MAP3K20: variants seen among roughly 807,000 people sequenced by gnomAD.
MAP3K20 encodes HCCS-4.
Under a neutral mutation model 85.7 loss-of-function variants are expected in MAP3K20, and 40 were observed. That is an observed-to-expected ratio of 0.47 (90% CI 0.36 to 0.61). The LOEUF (loss-of-function observed/expected upper bound fraction) is 0.61. MAP3K20 is among the 20% of genes least tolerant of loss of function. The pLI is 0.00. For missense variants in MAP3K20, 817 were observed against 961.7 expected (o/e 0.85, Z 1.99); for synonymous variants, 325 against 327.7 (o/e 0.99, Z 0.09).
chr2:173,266,727 C>T lies in MAP3K20; in HGVS notation c.2380C>T (p.His794Tyr). The T allele has an allele frequency of 6.6e-7, 1 of 1,524,872 alleles. No individual in the cohort carries two copies. Among genetic ancestry groups the T allele is most frequent in the Non-Finnish European group, 8.8e-7 (1 of 1,137,680 alleles). The allele number at this position is 1,524,872 out of a possible 1,614,324, so 94.5% of individuals were successfully genotyped here. ...CAATAAAGAGAGAGCCAGAGGGGAC[C>T]ACCGTGGATGGAGAAACTTTTGATG... ...KTNKERARGD[H>Y]RGWRNF Residue 794 changes from histidine (H) to tyrosine (Y), a missense_variant, in exon 20 of 20, where the codon CAC (histidine) becomes TAC (tyrosine). Physicochemically the swap from His to Tyr is moderately conservative, Grantham distance 83. Around this residue, in one of 4 missense-constraint regions of MAP3K20, gnomAD observed 454 missense variants for 476.9 expected, o/e 0.95. Transcript: ENST00000375213.
chr2:173,093,993 G>A (rs1213056304), intron 2 of MAP3K20, among the ~76,000 whole-genome samples: 1 of 116,834 alleles, frequency 8.6e-6, no homozygotes, highest in Admixed American at 1.1e-4. Flanking sequence ...CTGTTGTGGG[G>A]TGGGGGGAGG....
chr2:173,208,559 A>G (rs7575319), intron 9 of MAP3K20, among the ~76,000 whole-genome samples: 25,867 of 152,188 alleles, frequency 0.17, 2,476 homozygotes, highest in South Asian at 0.33. Flanking sequence ...ACATTTATCT[A>G]TGTGTGCCCT....
intron 2 of MAP3K20, among the ~76,000 whole-genome samples, chr2:173,144,017 T>C (rs1171043812): frequency 2.6e-5 from 4 of 152,016 alleles, no homozygotes; most frequent in African/African-American, 9.7e-5. Context: ...ACCTAAATTA[T>C]AGGCATGTAT....
At chr2:173,096,341 T>C (rs1687459348) in intron 2 of MAP3K20, among the ~76,000 whole-genome samples, 1 of 88,912 alleles carries the variant, frequency 1.1e-5, no homozygotes, top group Non-Finnish European at 2.2e-5. Flanking sequence ...TTTTTCTTTT[T>C]TCCTTTTTTT....
chr2:173,237,695 C>CA (rs1450806340), intron 14 of MAP3K20, among the ~76,000 whole-genome samples: 3 of 152,164 alleles, frequency 2.0e-5, no homozygotes, highest in Non-Finnish European at 2.9e-5. Flanking sequence ...ATAATGCAAT[C>CA]AACCTTTTAG....
intron 3 of MAP3K20, among the ~76,000 whole-genome samples, chr2:173,178,860 A>G (rs1482884808): frequency 1.3e-5 from 2 of 152,188 alleles, no homozygotes; most frequent in Non-Finnish European, 2.9e-5. Context: ...CGACAGACCA[A>G]TATTCTTCAT....
At chr2:173,181,016 C>G (rs1404778442) in intron 3 of MAP3K20, among the ~76,000 whole-genome samples, 2 of 151,710 alleles carry the variant, frequency 1.3e-5, no homozygotes, top group African/African-American at 2.4e-5. Context: ...GTATCTAGAA[C>G]TAAAAAAAAT....
intron 19 of MAP3K20, among the ~76,000 whole-genome samples, chr2:173,265,219 T>A (rs916212409): frequency 6.6e-6 from 1 of 151,938 alleles, no homozygotes; most frequent in Non-Finnish European, 1.5e-5. Context: ...GAGCAGGGGG[T>A]GGAGTAGCTG....
At chr2:173,205,953 C>G (rs1289284367) in intron 9 of MAP3K20, among the ~76,000 whole-genome samples, 1 of 152,138 alleles carries the variant, frequency 6.6e-6, no homozygotes, top group Admixed American at 6.5e-5. Flanking sequence ...CACGTATTTT[C>G]AAGCTTGCTT....
chr2:173,243,003 C>G (rs1167094221), intron 16 of MAP3K20, among the ~76,000 whole-genome samples: 1 of 152,130 alleles, frequency 6.6e-6, no homozygotes, highest in Non-Finnish European at 1.5e-5. Flanking sequence ...CCGCGCCCAG[C>G]CCAGAGTAAT....
intron 2 of MAP3K20, among the ~76,000 whole-genome samples, chr2:173,162,404 G>A (rs909629306): frequency 3.3e-5 from 5 of 151,750 alleles, no homozygotes; most frequent in African/African-American, 4.8e-5. Flanking sequence ...GTTGAGGACC[G>A]GCTGGGCATG....
intron 2 of MAP3K20, among the ~76,000 whole-genome samples, chr2:173,134,428 A>ATATATTTTTTTT (rs56330241): frequency 3.2e-4 from 1 of 3,154 alleles, no homozygotes; most frequent in African/African-American, 1.0e-3. Flanking sequence ...ATATATATAT[A>ATATATTTTTTTT]TTTTTTTTTT....
intron 2 of MAP3K20, among the ~76,000 whole-genome samples, chr2:173,169,481 G>A (rs556979490): frequency 6.6e-5 from 10 of 152,160 alleles, no homozygotes; most frequent in African/African-American, 2.4e-4. Flanking sequence ...AGCACTTTCG[G>A]AGGCCAAGGT....
At chr2:173,089,793 G>C (rs571594319) in intron 1 of MAP3K20, among the ~76,000 whole-genome samples, 3 of 152,120 alleles carry the variant, frequency 2.0e-5, no homozygotes, top group Admixed American at 2.0e-4. Flanking sequence ...GGCTGGTCTC[G>C]AACTCCTGAC....
rs887695038 is a variant in MAP3K20, at chr2:173,257,692, G to T, written c.1360-1007G>T. 1.1e-4 allele frequency among the ~76,000 whole-genome samples: 16 copies of T among 152,142 alleles called. No homozygotes were observed. In the East Asian group the frequency reaches 2.9e-3, roughly 28 times the overall value. ...CTAGGAGTAGAATTTCTGGGTCATA[G>T]AATAGGCATATATTTGGTTTTATAA... On this transcript the variant is annotated intron_variant, in intron 16 of 19. Coordinates refer to ENST00000375213, the MANE Select transcript of MAP3K20 (RefSeq NM_016653.3).
chr2:173,198,246 A>C lies in MAP3K20; in HGVS notation c.669+134A>C, dbSNP rs1690916465. 8.4e-6 allele frequency: 6 copies of C among 716,492 alleles called. No individual in the cohort carries two copies. Among genetic ancestry groups the C allele is most frequent in the Non-Finnish European group, 1.4e-5 (6 of 440,342 alleles). The allele number at this position is 716,492 out of a possible 1,614,324, so 44.4% of individuals were successfully genotyped here. On this transcript the variant is annotated intron_variant, in intron 8 of 19. Coordinates refer to ENST00000375213, the MANE Select transcript of MAP3K20 (RefSeq NM_016653.3). The surrounding 1 kb of genome is among the most constrained non-coding windows in gnomAD (Gnocchi z 5.8). Reference sequence around the variant, plus strand: ...AAGATTAGCAGTAGGAGCTAACACAAAGGGTCAAAGTGATGTTATTCCTCA... The same window carrying C: ...AAGATTAGCAGTAGGAGCTAACACACAGGGTCAAAGTGATGTTATTCCTCA...
At chr2:173,121,102 A>G (rs1688274400) in intron 2 of MAP3K20, among the ~76,000 whole-genome samples, 1 of 152,072 alleles carries the variant, frequency 6.6e-6, no homozygotes, top group Non-Finnish European at 1.5e-5. Flanking sequence ...TTCTTACTTC[A>G]TCCTGTAAAT....
intron 18 of MAP3K20, among the ~76,000 whole-genome samples, chr2:173,262,177 C>T (rs982928701): frequency 3.9e-5 from 6 of 152,152 alleles, no homozygotes; most frequent in African/African-American, 1.4e-4. Flanking sequence ...ACACTTTCTG[C>T]GCTTCCCTGG....
At chr2:173,225,608 A>C (rs76450448) in intron 11 of MAP3K20, 360 of 971,800 alleles carry the variant, frequency 3.7e-4, no homozygotes, top group Middle Eastern at 5.3e-4. Flanking sequence ...AAAAAAAAAA[A>C]CAAAAAAAAA....
Sources: gnomAD v4.1 joint callset for allele counts (sites outside exome capture counted in the v4.1 genomes callset) on GRCh38, gnomAD v4.1.1 for gene constraint, gnomAD v4.1.1 regional missense constraint, Gnocchi (gnomAD v3.1) non-coding constraint, MANE v1.5 for transcripts, NCBI Gene and HGNC (gene_info 2026-07-23, HGNC 2026-07-21) for gene names.